ALK: variants seen among roughly 807,000 people sequenced by gnomAD.
ALK encodes ALK receptor tyrosine kinase, also known as ALK tyrosine kinase receptor.
ALK carries 74 observed loss-of-function variants against 163.1 expected under a neutral mutation model. That is an observed-to-expected ratio of 0.45 (90% CI 0.38 to 0.55). The LOEUF (loss-of-function observed/expected upper bound fraction) is 0.55. Ranked by LOEUF, ALK falls within the 20% of genes least tolerant of loss-of-function variation. ALK has a pLI of 0.00. For missense variants in ALK, 2,063 were observed against 2,105.3 expected, an observed-to-expected ratio of 0.98 and a Z score of 0.39; for synonymous variants, 960 against 843.2, an observed-to-expected ratio of 1.14 and a Z score of -2.40.
chr2:29,828,964 A>G (rs1572414060), intron 1 of ALK, among the ~76,000 whole-genome samples: 1 of 152,006 alleles, frequency 6.6e-6, no homozygotes, highest in African/African-American at 2.4e-5. Context: ...GCACATATAC[A>G]CCATGGAATA....
intron 7 of ALK, among the ~76,000 whole-genome samples, chr2:29,319,994 G>A (rs1666967592): frequency 6.6e-6 from 1 of 152,182 alleles, no homozygotes; most frequent in East Asian, 1.9e-4. Flanking sequence ...GGGCCTGCCC[G>A]GGTCCCACCA....
rs1060500222 is a variant in ALK at position 29,920,511 on chromosome 2, T to A, written c.149A>T (p.Gln50Leu). ...PREPLSYSRL[Q>L]RKSLAVDFVV... Reference sequence around the variant, plus strand: ...GAAGTCAACTGCCAGACTCTTCCTCTGCAGGCGCGAGTAGCTGAGTGGCTC... The same window carrying A: ...GAAGTCAACTGCCAGACTCTTCCTCAGCAGGCGCGAGTAGCTGAGTGGCTC... Residue 50 changes from glutamine (Q) to leucine (L), a missense_variant, in exon 1 of 29, where the codon CAG becomes CTG. This residue lies in a region of ALK where 987 missense variants were observed against 939.5 expected (regional missense o/e 1.05). Coordinates refer to ENST00000389048, the MANE Select transcript of ALK (RefSeq NM_004304.5). 2 of 1,612,682 alleles carry A rather than the reference T, an allele frequency of 1.2e-6. No individual in the cohort carries two copies. Among genetic ancestry groups the A allele is most frequent in the Non-Finnish European group, 1.7e-6 (2 of 1,179,634 alleles).
chr2:29,305,019 T>G (rs1318364446), intron 8 of ALK, among the ~76,000 whole-genome samples: 1 of 152,222 alleles, frequency 6.6e-6, no homozygotes, highest in Non-Finnish European at 1.5e-5. Flanking sequence ...CGGCAGATTT[T>G]AAAATTTCTC....
intron 1 of ALK, among the ~76,000 whole-genome samples, chr2:29,898,490 G>A (rs1667329940): frequency 2.0e-5 from 3 of 152,174 alleles, no homozygotes; most frequent in Admixed American, 6.5e-5. Context: ...TGGCTGTAAT[G>A]GTGCCTTTTA....
At chr2:29,418,767 T>C (rs1669943814) in intron 4 of ALK, among the ~76,000 whole-genome samples, 1 of 152,248 alleles carries the variant, frequency 6.6e-6, no homozygotes, top group Non-Finnish European at 1.5e-5. Context: ...TCTTTCTTTT[T>C]AAATTATGCT....
At chr2:29,327,031 T>C (rs922349470) in intron 6 of ALK, among the ~76,000 whole-genome samples, 1 of 152,226 alleles carries the variant, frequency 6.6e-6, no homozygotes, top group Non-Finnish European at 1.5e-5. Context: ...TATTCATCTC[T>C]GCTCCAGGAT....
intron 3 of ALK, among the ~76,000 whole-genome samples, chr2:29,605,933 C>A (rs574571329): frequency 2.0e-4 from 30 of 150,690 alleles, no homozygotes; most frequent in African/African-American, 7.1e-4. Flanking sequence ...CCTGTAAGTT[C>A]AACCTGATGG....
intron 4 of ALK, among the ~76,000 whole-genome samples, chr2:29,483,906 A>G (rs1253311793): frequency 6.6e-6 from 1 of 152,238 alleles, no homozygotes; most frequent in African/African-American, 2.4e-5. Flanking sequence ...AAAGAAAAAC[A>G]GGTTTTAATG....
At chr2:29,691,962 T>C (rs1160438748) in intron 3 of ALK, among the ~76,000 whole-genome samples, 1 of 152,126 alleles carries the variant, frequency 6.6e-6, no homozygotes, top group Non-Finnish European at 1.5e-5. Flanking sequence ...ATATAAATTT[T>C]TAAAAAACCT....
chr2:29,673,048 T>G (rs1677754372), intron 3 of ALK, among the ~76,000 whole-genome samples: 1 of 133,242 alleles, frequency 7.5e-6, no homozygotes, highest in Non-Finnish European at 1.6e-5. Context: ...TGTAAATTTG[T>G]TTGAGTTCAT....
chr2:29,713,483 C>T (rs1679164630), intron 2 of ALK, among the ~76,000 whole-genome samples: 1 of 152,148 alleles, frequency 6.6e-6, no homozygotes, highest in African/African-American at 2.4e-5. Flanking sequence ...GGATAGTCTC[C>T]ATTTGGTGAT....
intron 1 of ALK, among the ~76,000 whole-genome samples, chr2:29,913,561 C>A (rs2148438974): frequency 6.6e-6 from 1 of 152,296 alleles, no homozygotes; most frequent in Admixed American, 6.5e-5. Context: ...TGATCCTAGA[C>A]CTACAACCAT....
chr2:29,364,284 T>A (rs1041111610), intron 5 of ALK, among the ~76,000 whole-genome samples: 1 of 152,158 alleles, frequency 6.6e-6, no homozygotes, highest in Non-Finnish European at 1.5e-5. Context: ...TGGTTGCTGT[T>A]GTTTCTCTGT....
intron 1 of ALK, among the ~76,000 whole-genome samples, chr2:29,837,801 C>G (rs995815584): frequency 6.6e-6 from 1 of 152,018 alleles, no homozygotes; most frequent in Non-Finnish European, 1.5e-5. Flanking sequence ...AGCATACAAT[C>G]AAAAATTACC....
chr2:29,891,712 G>A (rs1667152223), intron 1 of ALK, among the ~76,000 whole-genome samples: 1 of 152,172 alleles, frequency 6.6e-6, no homozygotes, highest in Admixed American at 6.5e-5. Flanking sequence ...GAGAGAGAAT[G>A]ACTCACCATC....
At chr2:29,763,155 C>T (rs967849472) in intron 1 of ALK, among the ~76,000 whole-genome samples, 17 of 151,426 alleles carry the variant, frequency 1.1e-4, no homozygotes, top group Non-Finnish European at 2.9e-5. Context: ...TGTGCCACCA[C>T]TTTCTAGCTG....
intron 1 of ALK, among the ~76,000 whole-genome samples, chr2:29,738,461 G>A (rs1463186001): frequency 1.3e-5 from 2 of 152,008 alleles, no homozygotes; most frequent in Non-Finnish European, 2.9e-5. Context: ...TGTAACTTAT[G>A]TGGCCATCTA....
chr2:29,456,825 A>G (rs1670967370), intron 4 of ALK, among the ~76,000 whole-genome samples: 1 of 152,224 alleles, frequency 6.6e-6, no homozygotes, highest in Non-Finnish European at 1.5e-5. Context: ...ATAATGCTCC[A>G]TCTCCTAATA....
At chr2:29,505,862 T>C (rs921003729) in intron 4 of ALK, among the ~76,000 whole-genome samples, 1 of 149,472 alleles carries the variant, frequency 6.7e-6, no homozygotes, top group Admixed American at 6.7e-5. Flanking sequence ...CATCCATTCA[T>C]GGGGTGAATG....
Sources: gnomAD v4.1 joint callset for allele counts (sites outside exome capture counted in the v4.1 genomes callset) on GRCh38, gnomAD v4.1.1 for gene constraint, gnomAD v4.1.1 regional missense constraint, MANE v1.5 for transcripts, NCBI Gene and HGNC (gene_info 2026-07-23, HGNC 2026-07-21) for gene names.